The following TNRC6B variants were observed in gnomAD, a reference collection of about 807,000 sequenced individuals.
TNRC6B encodes trinucleotide repeat-containing gene 6B protein.
Under a neutral mutation model 203.6 loss-of-function variants are expected in TNRC6B, and 52 were observed. The observed-to-expected ratio is 0.26, with a 90% CI of 0.20 to 0.32. TNRC6B has a LOEUF of 0.32. TNRC6B is among the 10% of genes least tolerant of loss of function. TNRC6B has a pLI of 1.00. For missense variants in TNRC6B, 1,923 were observed against 2,286.2 expected, an observed-to-expected ratio of 0.84 and a Z score of 3.24; for synonymous variants, 838 against 845.7, an observed-to-expected ratio of 0.99 and a Z score of 0.16.
At chr22:40,273,295 T>G in intron 6 of TNRC6B, 130 bp from the exon 7 acceptor site, 2 of 823,550 alleles carry the variant, frequency 2.4e-6, no homozygotes, top group Non-Finnish European at 3.6e-6. Context: ...AGTAATAATA[T>G]TTGTCTTGCC....
In TNRC6B at chr22:40,332,659, C is replaced by T. The variant is rs2043995334; in HGVS notation, c.*9418C>T. The T allele has an allele frequency of 6.6e-6, 1 of 152,364 alleles. No individual in the cohort carries two copies. Among genetic ancestry groups the T allele is most frequent in the Non-Finnish European group, 1.5e-5 (1 of 67,986 alleles). The allele number at this position is 152,364 out of a possible 1,614,324, so 9.4% of individuals were successfully genotyped here. On this transcript the variant is annotated 3_prime_UTR_variant, in exon 23 of 23. Transcript: ENST00000454349. ...TCAGGGTTCCAATCTGTTAGATTGC[C>T]TTTAAACAAAAAAAACAACAAAAAA...
intron 12 of TNRC6B, among the ~76,000 whole-genome samples, chr22:40,291,390 A>T (rs949492274): frequency 6.6e-6 from 1 of 152,190 alleles, no homozygotes; most frequent in Non-Finnish European, 1.5e-5. Flanking sequence ...CTTAAAAAAA[A>T]AAATGAAAAA....
chr22:40,220,732 C>G (rs2069696764), intron 1 of TNRC6B, among the ~76,000 whole-genome samples: 2 of 152,060 alleles, frequency 1.3e-5, no homozygotes, highest in Non-Finnish European at 2.9e-5. Context: ...TATAGAAACC[C>G]CGAGTTGGCC....
At chr22:40,063,587 C>A (rs1000507924) in intron 1 of TNRC6B, among the ~76,000 whole-genome samples, 9 of 152,086 alleles carry the variant, frequency 5.9e-5, no homozygotes, top group African/African-American at 2.2e-4. Context: ...TAATTTATTT[C>A]GACGTTTTAT....
intron 3 of TNRC6B, among the ~76,000 whole-genome samples, chr22:40,128,475 G>A (rs2068513147): frequency 1.3e-5 from 2 of 151,900 alleles, no homozygotes; most frequent in African/African-American, 4.8e-5. Flanking sequence ...ATTTATTTTT[G>A]TTCAATATAT....
intron 1 of TNRC6B, among the ~76,000 whole-genome samples, chr22:40,086,157 C>T (rs2068098682): frequency 6.6e-6 from 1 of 152,154 alleles, no homozygotes. Context: ...AGGCATGAGC[C>T]ACCATGCTTG....
rs1445922996 is a variant in TNRC6B at position 40,281,189 on chromosome 22, C to G, written c.3482C>G (p.Ser1161Cys). 1 of 1,551,498 alleles carries G rather than the reference C, an allele frequency of 6.4e-7. No homozygotes were observed. Among genetic ancestry groups the G allele is most frequent in the Non-Finnish European group, 8.7e-7 (1 of 1,146,942 alleles). Residue 1161 changes from serine to cysteine, a missense_variant, in exon 11 of 23, where the codon TCT becomes TGT. Physicochemically the swap from Ser to Cys is moderately radical, Grantham distance 112. Coordinates refer to ENST00000454349, the MANE Select transcript of TNRC6B (RefSeq NM_001162501.2). ...GCTCCCTGCTCTCCCTTCTCCCCTT[C>G]TCCCAGCTACAAGCTGTCTCCCTCT... ...DEAPCSPFSP[S>C]PSYKLSPSGS...
At chr22:40,275,339 A>G (rs2146514766) in intron 7 of TNRC6B, among the ~76,000 whole-genome samples, 1 of 152,342 alleles carries the variant, frequency 6.6e-6, no homozygotes, top group African/African-American at 2.4e-5. Context: ...GAAAGGGACT[A>G]ATAAATACCT....
chr22:40,269,126 CTTTTTTTTTT>C (rs35575346), intron 5 of TNRC6B, among the ~76,000 whole-genome samples: 4 of 57,854 alleles, frequency 6.9e-5, no homozygotes, highest in Admixed American at 5.6e-4. Context: ...TACAGTATTT[CTTTTTTTTTT>C]TTTTTTTTTT....
intron 3 of TNRC6B, among the ~76,000 whole-genome samples, chr22:40,155,491 G>A (rs2068811617): frequency 6.6e-6 from 1 of 152,192 alleles, no homozygotes; most frequent in Non-Finnish European, 1.5e-5. Flanking sequence ...GTTTCACCAT[G>A]TTGGCCAGGA....
chr22:40,211,208 G>T (rs550238167), intron 1 of TNRC6B, among the ~76,000 whole-genome samples: 1 of 152,162 alleles, frequency 6.6e-6, no homozygotes, highest in Admixed American at 6.5e-5. Flanking sequence ...AGCCTCCTAC[G>T]TAGCTGGGAC....
At chr22:40,284,189 G>A (rs1011746348) in intron 11 of TNRC6B, among the ~76,000 whole-genome samples, 5 of 152,156 alleles carry the variant, frequency 3.3e-5, no homozygotes, top group South Asian at 2.1e-4. Context: ...CATAAAATTC[G>A]TGATGAATCT....
intron 4 of TNRC6B, among the ~76,000 whole-genome samples, chr22:40,168,720 C>A (rs1331387477): frequency 1.3e-5 from 2 of 152,084 alleles, no homozygotes; most frequent in Non-Finnish European, 2.9e-5. Context: ...GACATTTTTT[C>A]TTGTCAGCCT....
intron 1 of TNRC6B, among the ~76,000 whole-genome samples, chr22:40,178,747 A>G (rs2069097297): frequency 6.6e-6 from 1 of 152,036 alleles, no homozygotes; most frequent in Non-Finnish European, 1.5e-5. Flanking sequence ...CTCCCAAGCA[A>G]TATGTGGCTC....
chr22:40,236,794 C>T lies in TNRC6B; in HGVS notation c.6-9221C>T, dbSNP rs528436511. On this transcript the variant is annotated intron_variant, in intron 1 of 22. Coordinates refer to ENST00000454349, the MANE Select transcript of TNRC6B (RefSeq NM_001162501.2). ...GTGTGAAATTGTCAGCCCTGCCTCT[C>T]CTGCATGTTTGAGGCACGATGGGCT... 2.4e-4 allele frequency among the ~76,000 whole-genome samples: 37 copies of T among 152,312 alleles called. No homozygotes were observed. In the South Asian group the frequency reaches 7.5e-3, roughly 31 times the overall value.
chr22:40,190,230 C>A (rs73418655), intron 1 of TNRC6B, among the ~76,000 whole-genome samples: 4,407 of 152,254 alleles, frequency 0.029, 197 homozygotes, highest in African/African-American at 0.1. Context: ...TTACTTTGTT[C>A]CATCTGAATA....
intron 1 of TNRC6B, among the ~76,000 whole-genome samples, chr22:40,093,666 AT>A (rs1166458244): frequency 2.0e-5 from 3 of 152,238 alleles, no homozygotes; most frequent in Non-Finnish European, 2.9e-5. Flanking sequence ...AATAAAAACC[AT>A]TTTTATTATG....
chr22:40,155,198 G>C (rs1343870757), intron 3 of TNRC6B, among the ~76,000 whole-genome samples: 1 of 151,906 alleles, frequency 6.6e-6, no homozygotes, highest in South Asian at 2.1e-4. Context: ...ATGTGCAAAA[G>C]CTTCTCTAGG....
chr22:40,051,900 G>A (rs1263112150), intron 1 of TNRC6B, among the ~76,000 whole-genome samples: 3 of 152,148 alleles, frequency 2.0e-5, no homozygotes, highest in Non-Finnish European at 2.9e-5. Flanking sequence ...CTTTTTTCTA[G>A]TTAAGCCTTT....
Sources: allele counts gnomAD v4.1 joint callset (sites outside exome capture counted in the v4.1 genomes callset), GRCh38; gene constraint gnomAD v4.1.1; transcripts MANE v1.5; gene names NCBI Gene and HGNC (gene_info 2026-07-23, HGNC 2026-07-21).